Variants in SNTG1 observed in about 807,000 individuals in gnomAD.
SNTG1 encodes gamma-1-syntrophin.
Under a neutral mutation model 74.7 loss-of-function variants are expected in SNTG1, and 39 were observed. The observed-to-expected ratio is 0.52, with a 90% CI of 0.40 to 0.68. SNTG1 has a LOEUF of 0.68. Ranked by LOEUF, SNTG1 falls within the 30% of genes least tolerant of loss-of-function variation. The pLI is 0.00. For missense variants in SNTG1, 685 were observed against 609.5 expected (o/e 1.12, Z -1.30); for synonymous variants, 254 against 217.1 (o/e 1.17, Z -1.49).
rs190135762 is a variant in SNTG1 at position 50,385,225 on chromosome 8, A to G, written c.-27-8987A>G. Among the ~76,000 whole-genome samples, 57 of 152,292 alleles carry G rather than the reference A, an allele frequency of 3.7e-4. 1 individual carries two copies. In the East Asian group the frequency reaches 0.011, roughly 29 times the overall value. On this transcript the variant is annotated intron_variant, in intron 2 of 18. Coordinates refer to ENST00000642720, the MANE Select transcript of SNTG1 (RefSeq NM_018967.5). ...AGAATCTTCTCCTGTTCTGGACCCCACTTGAAATCAGCAGCTTTTTGAGTC... is the reference window on the plus strand; with the variant it reads ...AGAATCTTCTCCTGTTCTGGACCCCGCTTGAAATCAGCAGCTTTTTGAGTC...
At chr8:50,779,496 T>G (rs1224553709) in intron 18 of SNTG1, among the ~76,000 whole-genome samples, 2 of 152,176 alleles carry the variant, frequency 1.3e-5, no homozygotes, top group Non-Finnish European at 2.9e-5. Flanking sequence ...ATTATTTGGC[T>G]CTCTGTTTGT....
In SNTG1 at chr8:50,369,510, C is replaced by T. The variant is rs572259088; in HGVS notation, c.-27-24702C>T. On this transcript the variant is annotated intron_variant, in intron 2 of 18. Transcript: ENST00000642720. ...ACTTGGGAGGCTGAGGCAGGAAAAT[C>T]GCTTGAACCCAGGAGGCAGAGGTTG... Among the ~76,000 whole-genome samples the T allele has an allele frequency of 3.9e-5, 6 of 151,946 alleles. No individual in the cohort carries two copies. The South Asian group carries it at 1.2e-3, about 32-fold the overall frequency.
At chr8:50,328,211 A>G (rs1157405803) in intron 2 of SNTG1, among the ~76,000 whole-genome samples, 2 of 152,340 alleles carry the variant, frequency 1.3e-5, no homozygotes, top group East Asian at 1.9e-4. Flanking sequence ...ATTTTGCAAG[A>G]CAGGGCTATT....
Position 50,334,703 on chromosome 8 carries a change from C to T in SNTG1, c.-27-59509C>T, listed in dbSNP as rs902979535. On this transcript the variant is annotated intron_variant, in intron 2 of 18. Transcript: ENST00000642720. The stretch of plus-strand genomic sequence containing the variant: ...GCTATCTGGGCAAATTACTCAACCT[C>T]TTTCAATCAAATTTCTTTATAAAAT... Among the ~76,000 whole-genome samples, 7 of 152,132 alleles carry T rather than the reference C, an allele frequency of 4.6e-5. 1 individual carries two copies. The highest frequency in any genetic ancestry group is 1.7e-4 in the African/African-American group (7 of 41,436).
At chr8:49,970,327 G>T (rs1458722834) in intron 1 of SNTG1, among the ~76,000 whole-genome samples, 1 of 151,968 alleles carries the variant, frequency 6.6e-6, no homozygotes, top group African/African-American at 2.4e-5. Context: ...GAAATATGTT[G>T]CTTTGTTTTA....
chr8:50,384,687 T>C (rs1461611859), intron 2 of SNTG1, among the ~76,000 whole-genome samples: 1 of 152,144 alleles, frequency 6.6e-6, no homozygotes, highest in African/African-American at 2.4e-5. Context: ...CTAACCCAAG[T>C]CAACTTTTCT....
At chr8:50,713,823 G>T (rs1005258964) in intron 17 of SNTG1, among the ~76,000 whole-genome samples, 1 of 152,064 alleles carries the variant, frequency 6.6e-6, no homozygotes, top group African/African-American at 2.4e-5. Flanking sequence ...ACTTTGGAAG[G>T]CCAGGGCGGG....
chr8:49,989,311 C>T (rs923306334), intron 1 of SNTG1, among the ~76,000 whole-genome samples: 9 of 151,704 alleles, frequency 5.9e-5, no homozygotes, highest in African/African-American at 2.2e-4. Context: ...TAAATTAGTA[C>T]CCTGGAAAAC....
intron 2 of SNTG1, among the ~76,000 whole-genome samples, chr8:50,325,984 A>C (rs1023810761): frequency 2.0e-5 from 3 of 152,064 alleles, no homozygotes; most frequent in African/African-American, 7.2e-5. Flanking sequence ...ACACATAGAT[A>C]AGATCATGTG....
rs201198206 is a variant in SNTG1, at chr8:50,301,869, T to G, written c.-27-92343T>G. On this transcript the variant is annotated intron_variant, in intron 2 of 18. Transcript: ENST00000642720. ...TTTCTGTTTTTGTTTTTTGTTTTTT[T>G]TTTTTGAGACAGAGTCTCGCTCTGT... Among the ~76,000 whole-genome samples the G allele has an allele frequency of 7.4e-4, 90 of 121,824 alleles. 1 individual carries two copies. Among genetic ancestry groups the G allele is most frequent in the Admixed American group, 2.8e-3 (32 of 11,478 alleles). The allele number at this position is 121,824 out of a possible 152,430, so 79.9% of individuals were successfully genotyped here.
intron 1 of SNTG1, among the ~76,000 whole-genome samples, chr8:50,089,450 A>G (rs2079627091): frequency 6.6e-6 from 1 of 151,356 alleles, no homozygotes; most frequent in Non-Finnish European, 1.5e-5. Flanking sequence ...AAAAGAAACT[A>G]CCATCAGAGT....
chr8:50,617,390 A>T (rs925384597), intron 13 of SNTG1, among the ~76,000 whole-genome samples: 4 of 151,372 alleles, frequency 2.6e-5, no homozygotes, highest in East Asian at 1.9e-4. Flanking sequence ...ACACACACAC[A>T]CACACACACA....
intron 10 of SNTG1, among the ~76,000 whole-genome samples, chr8:50,532,430 A>T (rs1394439157): frequency 6.6e-6 from 1 of 152,256 alleles, no homozygotes; most frequent in African/African-American, 2.4e-5. Context: ...AATTAACTAT[A>T]ACATAAGCAG....
At chr8:50,460,558 C>T (rs1191373435) in intron 8 of SNTG1, among the ~76,000 whole-genome samples, 1 of 152,108 alleles carries the variant, frequency 6.6e-6, no homozygotes, top group Non-Finnish European at 1.5e-5. Flanking sequence ...AATTCTTTCC[C>T]AAAGCCGATG....
intron 17 of SNTG1, among the ~76,000 whole-genome samples, chr8:50,712,801 A>G (rs893032330): frequency 1.3e-5 from 2 of 152,082 alleles, no homozygotes; most frequent in African/African-American, 4.8e-5. Context: ...GATGGTTTTC[A>G]GCTTCATCCA....
chr8:50,431,888 AC>A (rs1462521433), intron 4 of SNTG1, among the ~76,000 whole-genome samples: 10 of 152,242 alleles, frequency 6.6e-5, no homozygotes, highest in African/African-American at 2.4e-4. Context: ...TTGTGTTCTT[AC>A]TGAGTGTTAT....
intron 2 of SNTG1, among the ~76,000 whole-genome samples, chr8:50,318,333 C>A (rs1452114429): frequency 1.3e-5 from 2 of 152,158 alleles, no homozygotes; most frequent in South Asian, 2.1e-4. Context: ...GGATACAATG[C>A]CTAACTGCAT....
Position 50,424,468 on chromosome 8 carries a change from G to A in SNTG1, c.163-14075G>A, listed in dbSNP as rs80297992. 9.5e-3 allele frequency among the ~76,000 whole-genome samples: 1,446 copies of A among 152,196 alleles called. 25 individuals are homozygous for A. Among genetic ancestry groups the A allele is most frequent in the African/African-American group, 0.033 (1,381 of 41,528 alleles). ...TTTATACCATGCATGGATGAGTGAC[G>A]AAAGTCACTAGTAAACACACTGAAG... On this transcript the variant is annotated intron_variant, in intron 4 of 18. Coordinates refer to ENST00000642720, the MANE Select transcript of SNTG1 (RefSeq NM_018967.5).
intron 16 of SNTG1, among the ~76,000 whole-genome samples, chr8:50,707,465 T>TTAA (rs752574136): frequency 4.6e-5 from 7 of 152,236 alleles, no homozygotes; most frequent in African/African-American, 1.7e-4. Flanking sequence ...CTGCTTTTTT[T>TTAA]AAAAAAATGT....
Sources: gnomAD v4.1 joint callset for allele counts (sites outside exome capture counted in the v4.1 genomes callset) on GRCh38, gnomAD v4.1.1 for gene constraint, MANE v1.5 for transcripts, NCBI Gene and HGNC (gene_info 2026-07-23, HGNC 2026-07-21) for gene names.